ANKIB1: variants seen among roughly 807,000 people sequenced by gnomAD.
ANKIB1 encodes the protein ankyrin repeat and IBR domain containing 1, also known as ankyrin repeat and IBR domain-containing protein 1.
In ANKIB1, 43 loss-of-function variants were observed where a neutral mutation model predicts 122.1. The ratio of observed to expected loss-of-function variants is 0.35; its 90% CI spans 0.28 to 0.45. The LOEUF (loss-of-function observed/expected upper bound fraction) is 0.45. Among genes scored for constraint, ANKIB1 ranks in the 20% least tolerant of loss-of-function variants. The pLI is 1.00. For missense variants in ANKIB1, 992 were observed against 1,329.5 expected, an observed-to-expected ratio of 0.75 and a Z score of 3.95; for synonymous variants, 390 against 442.0, an observed-to-expected ratio of 0.88 and a Z score of 1.48.
At position 92,365,217 on chromosome 7, in the gene ANKIB1, A is replaced by G. The variant is rs574343652; in HGVS notation, c.1486+2944A>G. On this transcript the variant is annotated intron_variant, in intron 10 of 19. Coordinates refer to ENST00000265742, the MANE Select transcript of ANKIB1 (RefSeq NM_019004.2). ...AGGAAAAATGTGTTATGAATGTGAG[A>G]GAACATTGTTCATGTATGTGATAAC... 7.2e-5 allele frequency among the ~76,000 whole-genome samples: 11 copies of G among 152,324 alleles called. No individual in the cohort carries two copies. In the South Asian group the frequency reaches 2.1e-3, roughly 29 times the overall value.
intron 1 of ANKIB1, among the ~76,000 whole-genome samples, chr7:92,261,748 A>G (rs988790284): frequency 6.6e-6 from 1 of 152,202 alleles, no homozygotes; most frequent in Admixed American, 6.5e-5. Flanking sequence ...GTTAGGTTCC[A>G]CAGAAGCACC....
At chr7:92,380,955 C>CT (rs1357859087) in intron 11 of ANKIB1, among the ~76,000 whole-genome samples, 1 of 152,188 alleles carries the variant, frequency 6.6e-6, no homozygotes, top group African/African-American at 2.4e-5. Flanking sequence ...TAACAAACTT[C>CT]TCCCAGCTGA....
chr7:92,342,500 C>T (rs1176013058), intron 5 of ANKIB1, among the ~76,000 whole-genome samples: 14 of 152,080 alleles, frequency 9.2e-5, no homozygotes, highest in Admixed American at 9.2e-4. Context: ...ATACCTAATT[C>T]ACTAAAACTT....
rs559486339 is a variant in ANKIB1 at position 92,376,607 on chromosome 7, C to T, written c.1617+5000C>T. On this transcript the variant is annotated intron_variant, in intron 11 of 19. Coordinates refer to ENST00000265742, the MANE Select transcript of ANKIB1 (RefSeq NM_019004.2). ...AGGATTACAGGCGCCTGCTACCACA[C>T]GTGGCTAATTTTTGTATTTTTAGTA... 1.1e-4 allele frequency among the ~76,000 whole-genome samples: 16 copies of T among 152,116 alleles called. No individual in the cohort carries two copies. The South Asian group carries it at 2.5e-3, about 24-fold the overall frequency.
chr7:92,278,412 A>G (rs1227211040), intron 1 of ANKIB1, among the ~76,000 whole-genome samples: 1 of 152,230 alleles, frequency 6.6e-6, no homozygotes, highest in Non-Finnish European at 1.5e-5. Flanking sequence ...GGAAGGCAGC[A>G]TGGAGAAGTT....
chr7:92,371,672 T>C, intron 11 of ANKIB1, 65 bp downstream of exon 11: 3 of 1,525,866 alleles, frequency 2.0e-6, no homozygotes, highest in Non-Finnish European at 2.7e-6. Context: ...TGATTGTCAA[T>C]CCAAAGGATA....
intron 5 of ANKIB1, among the ~76,000 whole-genome samples, chr7:92,339,888 A>G (rs1238129721): frequency 8.8e-6 from 1 of 114,080 alleles, no homozygotes; most frequent in Admixed American, 8.6e-5. Context: ...CTTTGCCTTT[A>G]TCACCTTCTT....
rs1194528210 is a variant in ANKIB1, at chr7:92,399,974, T to G, written c.*1025T>G. The G allele has an allele frequency of 6.6e-6, 1 of 152,206 alleles. No individual in the cohort carries two copies. Among genetic ancestry groups the G allele is most frequent in the Non-Finnish European group, 1.5e-5 (1 of 68,030 alleles). 9.4% of individuals were successfully genotyped at this position (152,206 alleles called of 1,614,324 possible). On this transcript the variant is annotated 3_prime_UTR_variant, in exon 20 of 20. Transcript: ENST00000265742. ...CATGAGTTATAGTAAATCCCACGATTATTAAGAAATTCAGTAAAACATCCT... is the reference window on the plus strand; with the variant it reads ...CATGAGTTATAGTAAATCCCACGATGATTAAGAAATTCAGTAAAACATCCT...
In ANKIB1 at chr7:92,290,104, A is replaced by T. The variant is rs546161005; in HGVS notation, c.-90-4785A>T. Among the ~76,000 whole-genome samples the T allele has an allele frequency of 5.3e-5, 8 of 152,368 alleles. No homozygotes were observed. In the East Asian group the frequency reaches 1.5e-3, roughly 29 times the overall value. On this transcript the variant is annotated intron_variant, in intron 1 of 19. Coordinates refer to ENST00000265742, the MANE Select transcript of ANKIB1 (RefSeq NM_019004.2). ...AGTTCTGGAATTACAGGCGTAAGCC[A>T]CTGTGCCCAGCCCATCCTCTCCTTT...
chr7:92,280,102 C>A (rs1030161510), intron 1 of ANKIB1, among the ~76,000 whole-genome samples: 1 of 152,196 alleles, frequency 6.6e-6, no homozygotes, highest in Non-Finnish European at 1.5e-5. Flanking sequence ...GTTCTGCTCA[C>A]CAGTAGCAGA....
At chr7:92,375,614 G>C (rs912110417) in intron 11 of ANKIB1, among the ~76,000 whole-genome samples, 9 of 152,146 alleles carry the variant, frequency 5.9e-5, no homozygotes, top group Admixed American at 5.2e-4. Context: ...CACATCTGAG[G>C]TTATTTTTTC....
At chr7:92,291,063 G>T (rs933998590) in intron 1 of ANKIB1, among the ~76,000 whole-genome samples, 1 of 152,174 alleles carries the variant, frequency 6.6e-6, no homozygotes, top group Non-Finnish European at 1.5e-5. Flanking sequence ...GAAGGCCGAG[G>T]TGGGCAGATC....
At chr7:92,256,182 C>T (rs1308822655) in intron 1 of ANKIB1, among the ~76,000 whole-genome samples, 1 of 152,118 alleles carries the variant, frequency 6.6e-6, no homozygotes, top group Non-Finnish European at 1.5e-5. Context: ...AGACAACATT[C>T]TAGGAGCTTT....
intron 1 of ANKIB1, among the ~76,000 whole-genome samples, chr7:92,261,655 T>A (rs1467077326): frequency 6.6e-6 from 1 of 152,202 alleles, no homozygotes; most frequent in Non-Finnish European, 1.5e-5. Flanking sequence ...ATTGAGAGTA[T>A]TGTTCCTGTT....
intron 11 of ANKIB1, among the ~76,000 whole-genome samples, chr7:92,381,320 G>C (rs1422700016): frequency 6.6e-6 from 1 of 152,180 alleles, no homozygotes; most frequent in African/African-American, 2.4e-5. Flanking sequence ...ACACTCTTCA[G>C]GATATTATCC....
chr7:92,387,788 T>C lies in ANKIB1; in HGVS notation c.1753-10T>C, dbSNP rs1356917287. On this transcript the variant is annotated splice_polypyrimidine_tract_variant and intron_variant, in intron 12 of 19. Transcript: ENST00000265742. Reference sequence around the variant, plus strand: ...TTTATAAAAGTCATTTGTGGACTTTTGTTTTCTAGGCTGAGAAAAAACACA... The same window carrying C: ...TTTATAAAAGTCATTTGTGGACTTTCGTTTTCTAGGCTGAGAAAAAACACA... 5.0e-6 allele frequency: 8 copies of C among 1,597,790 alleles called. No homozygotes were observed. The highest frequency in any genetic ancestry group is 5.1e-6 in the Non-Finnish European group (6 of 1,175,262).
At position 92,319,358 on chromosome 7, in the gene ANKIB1, T is replaced by C; in HGVS notation, c.515T>C (p.Phe172Ser). 6.2e-7 allele frequency: 1 copy of C among 1,602,604 alleles called. No individual in the cohort carries two copies. Among genetic ancestry groups the C allele is most frequent in the Non-Finnish European group, 8.5e-7 (1 of 1,176,098 alleles). ...ELLVKHGGDL[F>S]AENENKDTPC... ...TTAGTAAAACATGGAGGAGACTTGT[T>C]TGCTGAGAATGAAAATAAAGATACT... Residue 172 changes from phenylalanine (F) to serine (S), a missense_variant, in exon 4 of 20, where the codon TTT becomes TCT. Phe to Ser is a radical substitution (Grantham distance 155, BLOSUM62 -2). Transcript: ENST00000265742.
At chr7:92,310,597 G>T (rs941730431) in intron 3 of ANKIB1, among the ~76,000 whole-genome samples, 3 of 152,120 alleles carry the variant, frequency 2.0e-5, no homozygotes, top group African/African-American at 7.2e-5. Flanking sequence ...TGGTATCCAA[G>T]GGAGATTTGT....
intron 5 of ANKIB1, among the ~76,000 whole-genome samples, chr7:92,342,164 T>A (rs1285878817): frequency 6.6e-6 from 1 of 152,168 alleles, no homozygotes; most frequent in African/African-American, 2.4e-5. Flanking sequence ...TCAGAAATAG[T>A]GTGTGATCAT....
Sources: allele counts gnomAD v4.1 joint callset (sites outside exome capture counted in the v4.1 genomes callset), GRCh38; gene constraint gnomAD v4.1.1; transcripts MANE v1.5; gene names NCBI Gene and HGNC (gene_info 2026-07-23, HGNC 2026-07-21).